The following ZNF169 variants were observed in gnomAD, a reference collection of about 807,000 sequenced individuals.
ZNF169 encodes the protein zinc finger protein 169.
In ZNF169, 11 loss-of-function variants were observed where a neutral mutation model predicts 12.0. The ratio of observed to expected loss-of-function variants is 0.92; its 90% CI spans 0.58 to 1.52. The LOEUF (loss-of-function observed/expected upper bound fraction) is 1.52, where lower values mean the gene tolerates loss of function less well. Ranked by LOEUF, ZNF169 falls within the 40% of genes most tolerant of loss-of-function variation. The pLI, the probability that ZNF169 is intolerant of heterozygous loss-of-function variation, is 0.00. For synonymous variants in ZNF169, 302 were observed against 286.5 expected, an observed-to-expected ratio of 1.05 and a Z score of -0.55; for missense variants, 722 against 744.0, an observed-to-expected ratio of 0.97 and a Z score of 0.34.
At chr9:94,276,318 T>A (rs1158491797) in intron 1 of ZNF169, among the ~76,000 whole-genome samples, 1 of 151,898 alleles carries the variant, frequency 6.6e-6, no homozygotes, top group Non-Finnish European at 1.5e-5. Context: ...CAGGCTAGAG[T>A]GCAATGGCGT....
intron 2 of ZNF169, among the ~76,000 whole-genome samples, chr9:94,291,115 T>C (rs1379736942): frequency 7.6e-6 from 1 of 131,896 alleles, no homozygotes; most frequent in Non-Finnish European, 1.5e-5. Flanking sequence ...AGTGTAGTGG[T>C]GTAATCTCGG....
At chr9:94,288,308 C>T (rs1221208686) in intron 2 of ZNF169, 9 of 875,862 alleles carry the variant, frequency 1.0e-5, no homozygotes, top group African/African-American at 3.3e-5. Flanking sequence ...ACCTCAGTGC[C>T]TGGTGTGTTG....
At chr9:94,299,101 T>G (rs1831005013) in intron 4 of ZNF169, among the ~76,000 whole-genome samples, 1 of 152,220 alleles carries the variant, frequency 6.6e-6, no homozygotes, top group African/African-American at 2.4e-5. Flanking sequence ...CGTAGTGTTG[T>G]GCAATGCTAT....
intron 1 of ZNF169, among the ~76,000 whole-genome samples, chr9:94,260,296 C>T (rs1339853034): frequency 1.3e-5 from 2 of 152,266 alleles, no homozygotes; most frequent in African/African-American, 4.8e-5. Flanking sequence ...CAAGTAATCC[C>T]CCCGCCTCGG....
intron 1 of ZNF169, among the ~76,000 whole-genome samples, chr9:94,268,402 A>G (rs1340902491): frequency 1.3e-5 from 2 of 152,240 alleles, no homozygotes; most frequent in African/African-American, 2.4e-5. Flanking sequence ...ATACAAATAT[A>G]GCCCAAAGAA....
intron 1 of ZNF169, among the ~76,000 whole-genome samples, chr9:94,264,964 A>G (rs1328606860): frequency 2.2e-5 from 3 of 133,508 alleles, no homozygotes. Context: ...TTCTTGTACA[A>G]TTCTTTTTTT....
At chr9:94,265,984 G>A (rs1353445452) in intron 1 of ZNF169, among the ~76,000 whole-genome samples, 1 of 151,694 alleles carries the variant, frequency 6.6e-6, no homozygotes, top group Non-Finnish European at 1.5e-5. Flanking sequence ...TACTCAGGAG[G>A]GTGAGGCAGT....
At chr9:94,264,461 G>C (rs1182620475) in intron 1 of ZNF169, among the ~76,000 whole-genome samples, 2 of 152,112 alleles carry the variant, frequency 1.3e-5, no homozygotes, top group Admixed American at 1.3e-4. Flanking sequence ...GAAATTAGGA[G>C]AAAAAAGAAA....
At chr9:94,298,039 C>T (rs147148513) in intron 4 of ZNF169, among the ~76,000 whole-genome samples, 175 of 151,914 alleles carry the variant, frequency 1.2e-3, no homozygotes, top group African/African-American at 3.5e-3. Flanking sequence ...GTAGTAGGTG[C>T]GCCTGTAATC....
rs2118586212 is a variant in ZNF169, at chr9:94,276,882, T to C, written c.-55-1876T>C. Among the ~76,000 whole-genome samples the C allele has an allele frequency of 2.6e-5, 4 of 152,240 alleles. No homozygotes were observed. The South Asian group carries it at 6.2e-4, about 24-fold the overall frequency. Reference sequence around the variant, plus strand: ...ATGACTGTTTCCTCCATATCCAGAATATCATGATCACACTGTTGACAAAAA... The same window carrying C: ...ATGACTGTTTCCTCCATATCCAGAACATCATGATCACACTGTTGACAAAAA... On this transcript the variant is annotated intron_variant, in intron 1 of 4. Transcript: ENST00000395395.
chr9:94,274,114 A>T (rs1830479380), intron 1 of ZNF169, among the ~76,000 whole-genome samples: 2 of 152,124 alleles, frequency 1.3e-5, no homozygotes, highest in South Asian at 4.1e-4. Context: ...TGGTCTTCCC[A>T]CCGGAAGTTT....
chr9:94,266,662 A>G (rs1226947069), intron 1 of ZNF169, among the ~76,000 whole-genome samples: 1 of 152,244 alleles, frequency 6.6e-6, no homozygotes, highest in Non-Finnish European at 1.5e-5. Flanking sequence ...AATTGAAAAC[A>G]TTATTTTGGA....
At chr9:94,282,897 A>G (rs991305010) in intron 2 of ZNF169, among the ~76,000 whole-genome samples, 5 of 152,212 alleles carry the variant, frequency 3.3e-5, no homozygotes, top group African/African-American at 1.2e-4. Context: ...TTTAAAATGT[A>G]CTATTCAGAA....
rs979988182 is a variant in ZNF169 at position 94,292,959 on chromosome 9, T to C, written c.161-15T>C. On this transcript the variant is annotated splice_polypyrimidine_tract_variant and intron_variant, in intron 3 of 4. Transcript: ENST00000395395. ...CTAACTCAAGATCACCTTGGTTTTTTTTTCCTGTGAGTAGGAATTGCATTT... is the reference window on the plus strand; with the variant it reads ...CTAACTCAAGATCACCTTGGTTTTTCTTTCCTGTGAGTAGGAATTGCATTT... 5 of 1,599,812 alleles carry C rather than the reference T, an allele frequency of 3.1e-6. No individual in the cohort carries two copies. Among genetic ancestry groups the C allele is most frequent in the Non-Finnish European group, 4.3e-6 (5 of 1,170,890 alleles).
intron 1 of ZNF169, among the ~76,000 whole-genome samples, chr9:94,267,719 G>T (rs1830318554): frequency 6.6e-6 from 1 of 152,170 alleles, no homozygotes; most frequent in South Asian, 2.1e-4. Context: ...AATTCCTGTT[G>T]TGCTTGATAT....
At chr9:94,275,389 T>C (rs1244903347) in intron 1 of ZNF169, among the ~76,000 whole-genome samples, 1 of 152,256 alleles carries the variant, frequency 6.6e-6, no homozygotes, top group Non-Finnish European at 1.5e-5. Flanking sequence ...CAGTATTTCA[T>C]CTACTTTGGT....
In ZNF169 at chr9:94,300,073, C is replaced by A; in HGVS notation, c.515C>A (p.Pro172Gln). 1 of 1,614,076 alleles carries A rather than the reference C, an allele frequency of 6.2e-7. No homozygotes were observed. Among genetic ancestry groups the A allele is most frequent in the Non-Finnish European group, 8.5e-7 (1 of 1,180,010 alleles). Residue 172 changes from proline (P) to glutamine (Q), a missense_variant, in exon 5 of 5, where the codon CCA (proline) becomes CAA (glutamine). Physicochemically the swap from Pro to Gln is moderately conservative, Grantham distance 76. Coordinates refer to ENST00000395395, the MANE Select transcript of ZNF169 (RefSeq NM_194320.4). ...RTFFSPHQGD[P>Q]VEWVEGNREG... ...TTCTTCAGCCCACATCAAGGTGACC[C>A]AGTAGAATGGGTAGAAGGGAACAGA...
At chr9:94,269,674 T>G (rs1198473406) in intron 1 of ZNF169, among the ~76,000 whole-genome samples, 1 of 152,188 alleles carries the variant, frequency 6.6e-6, no homozygotes, top group Non-Finnish European at 1.5e-5. Flanking sequence ...AAGAGAGTTT[T>G]TATTTCTGTA....
intron 4 of ZNF169, 190 bp from the exon 5 acceptor site, chr9:94,299,608 CTGCCTGTGATGCTTTTT>C: frequency 7.2e-7 from 1 of 1,382,866 alleles, no homozygotes; most frequent in Non-Finnish European, 9.3e-7. Context: ...AGAGCTGAAG[CTGCCTGTGATGCTTTTT>C]TGAACCTTTT....
Sources: allele counts gnomAD v4.1 joint callset (sites outside exome capture counted in the v4.1 genomes callset), GRCh38; gene constraint gnomAD v4.1.1; transcripts MANE v1.5; gene names NCBI Gene and HGNC (gene_info 2026-07-23, HGNC 2026-07-21).